The following ZNF446 variants were observed in gnomAD, a reference collection of about 807,000 sequenced individuals.
ZNF446 encodes the protein zinc finger protein 446, also known as zinc finger protein with KRAB and SCAN domains 20.
Under a neutral mutation model 34.0 loss-of-function variants are expected in ZNF446, and 42 were observed. The observed-to-expected ratio is 1.23, with a 90% CI of 0.96 to 1.60. ZNF446 has a LOEUF of 1.60. Among genes scored for constraint, ZNF446 ranks in the 40% most tolerant of loss-of-function variants. The pLI, the probability that ZNF446 is intolerant of heterozygous loss-of-function variation, is 0.00. For synonymous variants in ZNF446, 315 were observed against 251.0 expected, an observed-to-expected ratio of 1.25 and a Z score of -2.41; for missense variants, 650 against 600.2, an observed-to-expected ratio of 1.08 and a Z score of -0.87.
chr19:58,487,149 T>A, the ZNF446 span, among the ~76,000 whole-genome samples: 1 of 152,204 alleles, frequency 6.6e-6, no homozygotes, highest in Non-Finnish European at 1.5e-5. Context: ...ACCCTGCCAA[T>A]AACAAGTATT....
At position 58,477,249 on chromosome 19, in the gene ZNF446, C is replaced by T; in HGVS notation, c.31C>T (p.Pro11Ser). The change falls in exon 2 of 7, where the codon CCC becomes TCC. Residue 11 changes from proline to serine, a missense_variant. Coordinates refer to ENST00000594369, the MANE Select transcript of ZNF446 (RefSeq NM_017908.4). The stretch of plus-strand genomic sequence containing the variant: ...ATCCCCTCTGGGTCCCCCATGCCTG[C>T]CCGTCATGGACCCAGAGACCACCCT... MPSPLGPPCL[P>S]VMDPETTLEE... The T allele has an allele frequency of 1.3e-6, 2 of 1,591,952 alleles. No homozygotes were observed. Among genetic ancestry groups the T allele is most frequent in the Non-Finnish European group, 1.7e-6 (2 of 1,166,682 alleles).
At chr19:58,478,208 G>A in intron 4 of ZNF446, 27 bp downstream of exon 4, 1 of 1,605,078 alleles carries the variant, frequency 6.2e-7, no homozygotes, top group Non-Finnish European at 8.5e-7. Context: ...GGGAAGTATA[G>A]GCCCCAGGTG....
downstream of ZNF446, among the ~76,000 whole-genome samples, chr19:58,482,758 G>A (rs1268082638): frequency 2.0e-5 from 3 of 152,160 alleles, no homozygotes; most frequent in African/African-American, 7.2e-5. Context: ...TGGAGCTGGG[G>A]GTGGGTGATC....
In ZNF446 at chr19:58,477,364, A is replaced by G. The variant is rs375482013; in HGVS notation, c.146A>G (p.Glu49Gly). Reference protein sequence around the residue: ...GPREALARLRELCCQWLQPEA... With the variant: ...GPREALARLRGLCCQWLQPEA... ...CGAGAAGCCCTGGCCCGGCTGCGTG[A>G]GCTGTGTTGCCAGTGGCTGCAGCCT... The change falls in exon 2 of 7, where the codon GAG becomes GGG. Residue 49 changes from glutamate (E) to glycine (G), a missense_variant. Transcript: ENST00000594369. 35 of 1,613,054 alleles carry G rather than the reference A, an allele frequency of 2.2e-5. No individual in the cohort carries two copies. Among genetic ancestry groups the G allele is most frequent in the Middle Eastern group, 1.6e-4 (1 of 6,068 alleles).
chr19:58,481,895 G>A (rs1374005281), downstream of ZNF446, among the ~76,000 whole-genome samples: 3 of 152,230 alleles, frequency 2.0e-5, no homozygotes, highest in South Asian at 2.1e-4. Context: ...CCGGGTTCAC[G>A]CCATTCTCCT....
intron 4 of ZNF446, 65 bp downstream of exon 4, chr19:58,478,246 C>T: frequency 1.3e-6 from 2 of 1,484,034 alleles, no homozygotes; most frequent in Non-Finnish European, 9.2e-7. Flanking sequence ...CATGGCTGCC[C>T]TCTGCCTGGT....
chr19:58,480,652 G>A lies in ZNF446; in HGVS notation c.1279G>A (p.Asp427Asn). 6.2e-7 allele frequency: 1 copy of A among 1,611,118 alleles called. No homozygotes were observed. Among genetic ancestry groups the A allele is most frequent in the Non-Finnish European group, 8.5e-7 (1 of 1,179,562 alleles). ...AGGCCAGCGGCGTCACTTCTGCAGT[G>A]ACTGTGGCCGCGCCTTCGACTGGAA... Reference protein sequence around the residue: ...HTGQRRHFCSDCGRAFDWKSQ... With the variant: ...HTGQRRHFCSNCGRAFDWKSQ... The change falls in exon 7 of 7, where the codon GAC (aspartate) becomes AAC (asparagine). Residue 427 changes from aspartate to asparagine, a missense_variant. By Grantham distance (23) the Asp-to-Asn change is conservative. Transcript: ENST00000594369. The surrounding 1 kb of genome is among the most constrained non-coding windows in gnomAD (Gnocchi z 7.2).
At chr19:58,479,487 C>T in intron 4 of ZNF446, 156 bp from the exon 5 acceptor site, 1 of 727,614 alleles carries the variant, frequency 1.4e-6, no homozygotes, top group Non-Finnish European at 2.3e-6. Flanking sequence ...AGAACCTCTG[C>T]ACTTAACAAA....
downstream of ZNF446, among the ~76,000 whole-genome samples, chr19:58,482,045 C>A (rs1044647322): frequency 6.6e-6 from 1 of 152,180 alleles, no homozygotes; most frequent in Non-Finnish European, 1.5e-5. Flanking sequence ...CCACCCACCT[C>A]GGCCTCCCAA....
At chr19:58,481,554 T>C (rs971449069), downstream of ZNF446, among the ~76,000 whole-genome samples, 1 of 152,130 alleles carries the variant, frequency 6.6e-6, no homozygotes, top group African/African-American at 2.4e-5. Context: ...TGGGTACTTC[T>C]AGGTCAGGCC....
At chr19:58,489,500 G>A in the ZNF446 span, among the ~76,000 whole-genome samples, 1 of 152,146 alleles carries the variant, frequency 6.6e-6, no homozygotes, top group African/African-American at 2.4e-5. Flanking sequence ...CAGGGAGACT[G>A]ATCTGAGTGA....
Position 58,478,184 on chromosome 19 carries a change from G to A in ZNF446, c.627+3G>A, listed in dbSNP as rs749982843. The A allele has an allele frequency of 6.2e-7, 1 of 1,613,506 alleles. No homozygotes were observed. The highest frequency in any genetic ancestry group is 1.1e-5 in the South Asian group (1 of 91,036). ...CCTTCCACCCACCCAGGATTCAGGT[G>A]AGCAGCCCCAAGTGGGAAGTATAGG... On this transcript the variant is annotated splice_donor_region_variant and intron_variant, in intron 4 of 6. Transcript: ENST00000594369.
At chr19:58,483,334 C>T (rs1192738542), downstream of ZNF446, among the ~76,000 whole-genome samples, 1 of 152,054 alleles carries the variant, frequency 6.6e-6, no homozygotes, top group African/African-American at 2.4e-5. Context: ...AAAAAAAATA[C>T]AAAAATTAGC....
At position 58,480,642 on chromosome 19, in the gene ZNF446, C is replaced by G; in HGVS notation, c.1269C>G (p.His423Gln). ...HRKSHTGQRR[H>Q]FCSDCGRAFD... Reference sequence around the variant, plus strand: ...AGAGCCACACAGGCCAGCGGCGTCACTTCTGCAGTGACTGTGGCCGCGCCT... The same window carrying G: ...AGAGCCACACAGGCCAGCGGCGTCAGTTCTGCAGTGACTGTGGCCGCGCCT... The change falls in exon 7 of 7, where the codon CAC becomes CAG. Residue 423 changes from histidine (H) to glutamine (Q), a missense_variant. Transcript: ENST00000594369. This position sits in a 1 kb window ranked among gnomAD's most constrained non-coding sequence, Gnocchi z 7.2. 6.2e-7 allele frequency: 1 copy of G among 1,612,400 alleles called. No individual in the cohort carries two copies. The highest frequency in any genetic ancestry group is 8.5e-7 in the Non-Finnish European group (1 of 1,179,912).
At chr19:58,477,944 A>T in intron 3 of ZNF446, 118 bp downstream of exon 3, 1 of 1,318,096 alleles carries the variant, frequency 7.6e-7, no homozygotes, top group South Asian at 1.5e-5. Context: ...GTGAATGTGG[A>T]TGTCCCTGTC....
At chr19:58,481,617 C>T (rs1338277442), downstream of ZNF446, among the ~76,000 whole-genome samples, 3 of 152,210 alleles carry the variant, frequency 2.0e-5, no homozygotes, top group Admixed American at 6.5e-5. Context: ...GGTCAGCTCC[C>T]TGGGAAGCAC....
downstream of ZNF446, among the ~76,000 whole-genome samples, chr19:58,486,093 T>A (rs950712553): frequency 7.0e-6 from 1 of 142,670 alleles, no homozygotes; most frequent in Non-Finnish European, 1.5e-5. Context: ...ACTTTCTTTT[T>A]TTTTTTTTTT....
At chr19:58,487,675 G>A in the ZNF446 span, among the ~76,000 whole-genome samples, 1 of 151,648 alleles carries the variant, frequency 6.6e-6, no homozygotes, top group Non-Finnish European at 1.5e-5. Flanking sequence ...CAGCCGTGAT[G>A]GTGGGCGCCT....
At chr19:58,479,369 A>G in intron 4 of ZNF446, 1 of 442,000 alleles carries the variant, frequency 2.3e-6, no homozygotes, top group East Asian at 4.3e-5. Context: ...TCATTCCTCG[A>G]TAAAGTCACT....
Sources: gnomAD v4.1 joint callset for allele counts (sites outside exome capture counted in the v4.1 genomes callset) on GRCh38, gnomAD v4.1.1 for gene constraint, Gnocchi (gnomAD v3.1) non-coding constraint, MANE v1.5 for transcripts, NCBI Gene and HGNC (gene_info 2026-07-23, HGNC 2026-07-21) for gene names.